SRC: variants seen among roughly 807,000 people sequenced by gnomAD.
SRC encodes the protein SRC proto-oncogene, non-receptor tyrosine kinase, also known as proto-oncogene tyrosine-protein kinase Src.
Under a neutral mutation model 62.9 loss-of-function variants are expected in SRC, and 13 were observed. The observed-to-expected ratio is 0.21, with a 90% CI of 0.13 to 0.33. The LOEUF (loss-of-function observed/expected upper bound fraction) is 0.33, where lower values mean the gene tolerates loss of function less well. Ranked by LOEUF, SRC falls within the 10% of genes least tolerant of loss-of-function variation. SRC has a pLI of 1.00. For missense variants in SRC, 457 were observed against 737.3 expected, an observed-to-expected ratio of 0.62 and a Z score of 4.40; for synonymous variants, 302 against 317.5, an observed-to-expected ratio of 0.95 and a Z score of 0.52.
In SRC at chr20:37,402,774, G is replaced by C. The variant is rs888457412; in HGVS notation, c.1296G>C (p.Thr432=). 6.2e-7 allele frequency: 1 copy of C among 1,613,126 alleles called. No individual in the cohort carries two copies. Among genetic ancestry groups the C allele is most frequent in the Middle Eastern group, 1.7e-4 (1 of 6,058 alleles). Residue 432 remains threonine (T), a synonymous_variant, in exon 13 of 14, where the codon ACG becomes ACC. Coordinates refer to ENST00000373578, the MANE Select transcript of SRC (RefSeq NM_198291.3). This position sits in a 1 kb window ranked among gnomAD's most constrained non-coding sequence, Gnocchi z 6.2. ...GTGCCAAATTCCCCATCAAGTGGAC[G>C]GCTCCAGAAGCTGCCCTCTATGGCC... ...RQGAKFPIKW[T]APEAALYGRF...
rs1006572383 is a variant in SRC, at chr20:37,403,610, T to C, written c.*231T>C. Reference sequence around the variant, plus strand: ...CACGGTGACTCTGTCCAGCTCCCGCTGTGGCCGCACGCCTCTCCCTGCACT... The same window carrying C: ...CACGGTGACTCTGTCCAGCTCCCGCCGTGGCCGCACGCCTCTCCCTGCACT... On this transcript the variant is annotated 3_prime_UTR_variant, in exon 14 of 14. Coordinates refer to ENST00000373578, the MANE Select transcript of SRC (RefSeq NM_198291.3). The surrounding 1 kb of genome is among the most constrained non-coding windows in gnomAD (Gnocchi z 7.1). 109 of 568,434 alleles carry C rather than the reference T, an allele frequency of 1.9e-4. No homozygotes were observed. Among genetic ancestry groups the C allele is most frequent in the Non-Finnish European group, 8.8e-5 (28 of 318,262 alleles). The allele number at this position is 568,434 out of a possible 1,614,324, so 35.2% of individuals were successfully genotyped here.
At chr20:37,386,051 GAC>G in intron 4 of SRC, 22 bp from the exon 5 acceptor site, 1 of 1,599,718 alleles carries the variant, frequency 6.3e-7, no homozygotes, top group Non-Finnish European at 8.6e-7. Context: ...CCACTGTTCT[GAC>G]ACACCCCACC....
Position 37,397,642 on chromosome 20 carries a change from G to A in SRC, c.704-57G>A, listed in dbSNP as rs902271797. The A allele has an allele frequency of 1.5e-5, 23 of 1,491,156 alleles. No homozygotes were observed. Among genetic ancestry groups the A allele is most frequent in the African/African-American group, 2.8e-5 (2 of 71,390 alleles). The allele number at this position is 1,491,156 out of a possible 1,614,324, so 92.4% of individuals were successfully genotyped here. On this transcript the variant is annotated intron_variant, in intron 8 of 13. Coordinates refer to ENST00000373578, the MANE Select transcript of SRC (RefSeq NM_198291.3). This position sits in a 1 kb window ranked among gnomAD's most constrained non-coding sequence, Gnocchi z 4.1. ...CATGTAGGGCGACACACACTGAGGG[G>A]CAGGGAGGCCCCAGGGCAGAAGACC...
At chr20:37,386,020 A>G in intron 4 of SRC, 55 bp from the exon 5 acceptor site, 1 of 1,440,834 alleles carries the variant, frequency 6.9e-7, no homozygotes, top group Non-Finnish European at 9.8e-7. Flanking sequence ...CATCCTGCCC[A>G]TGCCTTCCCT....
rs558407103 is a variant in SRC, at chr20:37,347,660, C to T, written c.-247+1405C>T. 2.6e-4 allele frequency among the ~76,000 whole-genome samples: 40 copies of T among 152,324 alleles called. No homozygotes were observed. In the East Asian group the frequency reaches 6.8e-3, roughly 26 times the overall value. On this transcript the variant is annotated intron_variant, in intron 1 of 13. Transcript: ENST00000373578. ...ACCGTAAGCAATTCACTTTTCCCTT[C>T]TGGCCTCAGTTTTGCCACATATAAA... is the stretch of plus-strand genomic sequence containing the variant.
intron 2 of SRC, among the ~76,000 whole-genome samples, chr20:37,365,716 C>T (rs2070053302): frequency 6.6e-6 from 1 of 152,092 alleles, no homozygotes; most frequent in South Asian, 2.1e-4. Flanking sequence ...TCCCAAGGAG[C>T]TGGGACTGCA....
At chr20:37,369,834 C>T (rs532298681) in intron 2 of SRC, among the ~76,000 whole-genome samples, 9 of 152,048 alleles carry the variant, frequency 5.9e-5, no homozygotes, top group African/African-American at 1.9e-4. Context: ...GAGTCTCACT[C>T]TGTCACCCAG....
intron 1 of SRC, among the ~76,000 whole-genome samples, chr20:37,350,547 T>C (rs758598817): frequency 6.6e-6 from 1 of 152,344 alleles, no homozygotes; most frequent in South Asian, 2.1e-4. Flanking sequence ...GCCTCCCCTG[T>C]GTTCAAGGCC....
chr20:37,389,214 G>A (rs1013271324), intron 5 of SRC, among the ~76,000 whole-genome samples: 1 of 152,162 alleles, frequency 6.6e-6, no homozygotes, highest in Non-Finnish European at 1.5e-5. Flanking sequence ...AGGTCTGACT[G>A]CCTCAAGCTC....
In SRC at chr20:37,402,654, A is replaced by G. The variant is rs1568646968; in HGVS notation, c.1270+66A>G. On this transcript the variant is annotated intron_variant, in intron 12 of 13. Transcript: ENST00000373578. This position sits in a 1 kb window ranked among gnomAD's most constrained non-coding sequence, Gnocchi z 6.2. The stretch of plus-strand genomic sequence containing the variant: ...CAGGTCACGTCCCGCTCTGAGCCCC[A>G]GTTTTTTCCTCAGCTGTCATTCCTC... 4.5e-6 allele frequency: 7 copies of G among 1,572,338 alleles called. No individual in the cohort carries two copies. In the East Asian group the frequency reaches 1.6e-4, roughly 35 times the overall value.
chr20:37,395,214 G>T (rs750716702), intron 7 of SRC, among the ~76,000 whole-genome samples: 1 of 152,252 alleles, frequency 6.6e-6, no homozygotes, highest in Non-Finnish European at 1.5e-5. Flanking sequence ...TTTGCTGGGT[G>T]ACCCCAGGCT....
intron 5 of SRC, among the ~76,000 whole-genome samples, chr20:37,389,119 C>T (rs975596098): frequency 6.6e-6 from 1 of 152,144 alleles, no homozygotes; most frequent in African/African-American, 2.4e-5. Flanking sequence ...AGATCCCGCG[C>T]CATGGATCTT....
chr20:37,376,691 T>G lies in SRC; in HGVS notation c.-172-5928T>G, dbSNP rs369364080. Among the ~76,000 whole-genome samples the G allele has an allele frequency of 8.7e-4, 132 of 152,304 alleles. 1 individual carries two copies. The highest frequency in any genetic ancestry group is 3.0e-3 in the African/African-American group (126 of 41,558). ...GCTAATTTTGTATTTCTAGTAGAGA[T>G]GGGGTTTCACCATGTTGGCCAGGCT... On this transcript the variant is annotated intron_variant, in intron 2 of 13. Coordinates refer to ENST00000373578, the MANE Select transcript of SRC (RefSeq NM_198291.3).
chr20:37,373,162 A>ACG (rs1330317580), intron 2 of SRC, among the ~76,000 whole-genome samples: 9 of 151,764 alleles, frequency 5.9e-5, no homozygotes, highest in African/African-American at 2.2e-4. Context: ...ACACATACAC[A>ACG]CATATATGTA....
chr20:37,392,709 A>G (rs1245004850), intron 5 of SRC, among the ~76,000 whole-genome samples: 1 of 151,926 alleles, frequency 6.6e-6, no homozygotes, highest in Non-Finnish European at 1.5e-5. Flanking sequence ...TACAGTGGGA[A>G]TGAGAGGGGC....
At chr20:37,375,630 C>T (rs2070264252) in intron 2 of SRC, among the ~76,000 whole-genome samples, 1 of 152,170 alleles carries the variant, frequency 6.6e-6, no homozygotes, top group South Asian at 2.1e-4. Context: ...CTGCCTCAGC[C>T]TCCCAAAGTG....
At chr20:37,345,948 G>A (rs562007987), upstream of SRC, among the ~76,000 whole-genome samples, 18 of 151,826 alleles carry the variant, frequency 1.2e-4, no homozygotes, top group South Asian at 2.1e-4. Context: ...GCCGCCCCTG[G>A]GTCTCTCCCG....
At chr20:37,391,857 A>T (rs572863176) in intron 5 of SRC, among the ~76,000 whole-genome samples, 42 of 152,244 alleles carry the variant, frequency 2.8e-4, no homozygotes, top group Admixed American at 9.2e-4. Context: ...CCATCTCAAA[A>T]AAATAAATAA....
rs542895477 is a variant in SRC at position 37,355,990 on chromosome 20, A to G, written c.-246-9214A>G. On this transcript the variant is annotated intron_variant, in intron 1 of 13. Coordinates refer to ENST00000373578, the MANE Select transcript of SRC (RefSeq NM_198291.3). ...CAGGTTGAGGCCAGACTCTTGCTGCAGGTGTGGAGGACAGAGAAGGATCAG... is the reference window on the plus strand; with the variant it reads ...CAGGTTGAGGCCAGACTCTTGCTGCGGGTGTGGAGGACAGAGAAGGATCAG... Among the ~76,000 whole-genome samples the G allele has an allele frequency of 3.9e-5, 6 of 152,242 alleles. No individual in the cohort carries two copies. In the East Asian group the frequency reaches 7.7e-4, roughly 20 times the overall value.
Sources: gnomAD v4.1 joint callset for allele counts (sites outside exome capture counted in the v4.1 genomes callset) on GRCh38, gnomAD v4.1.1 for gene constraint, Gnocchi (gnomAD v3.1) non-coding constraint, MANE v1.5 for transcripts, NCBI Gene and HGNC (gene_info 2026-07-23, HGNC 2026-07-21) for gene names.